Variants in ZDHHC2 observed in about 807,000 individuals in gnomAD.
ZDHHC2 encodes the protein zDHHC palmitoyltransferase 2, also known as palmitoyltransferase ZDHHC2.
In ZDHHC2, 51 loss-of-function variants were observed where a neutral mutation model predicts 55.6. That is an observed-to-expected ratio of 0.92 (90% CI 0.73 to 1.16). ZDHHC2 has a LOEUF of 1.16. Ranked by LOEUF, ZDHHC2 falls within the 50% of genes most tolerant of loss-of-function variation. The probability of loss-of-function intolerance (pLI) is 0.00; values close to 1 mark genes in which losing one functional copy is unlikely to be tolerated. For synonymous variants in ZDHHC2, 199 were observed against 152.9 expected (o/e 1.30, Z -2.22); for missense variants, 491 against 442.4 (o/e 1.11, Z -0.99).
chr8:17,192,176 A>C (rs1806069223), intron 3 of ZDHHC2, among the ~76,000 whole-genome samples: 1 of 151,962 alleles, frequency 6.6e-6, no homozygotes, highest in African/African-American at 2.4e-5. Flanking sequence ...TGTAGAGATG[A>C]GATTTCACTA....
chr8:17,212,544 G>A (rs557522084), intron 10 of ZDHHC2, among the ~76,000 whole-genome samples: 4 of 152,180 alleles, frequency 2.6e-5, no homozygotes, highest in African/African-American at 9.6e-5. Context: ...TCTATAATCT[G>A]AATACTTTCT....
chr8:17,221,842 A>T lies in ZDHHC2; in HGVS notation c.*1621A>T, dbSNP rs1807930354. On this transcript the variant is annotated 3_prime_UTR_variant, in exon 13 of 13. Transcript: ENST00000262096. ...ATCTCAGAAAATATGATAACATTTT[A>T]ACTTTCATTTTAGAGCACGTTTTGG... The T allele has an allele frequency of 6.6e-6, 1 of 152,488 alleles. No individual in the cohort carries two copies. Among genetic ancestry groups the T allele is most frequent in the African/African-American group, 2.4e-5 (1 of 41,460 alleles). The allele number at this position is 152,488 out of a possible 1,614,324, so 9.4% of individuals were successfully genotyped here. A position where few individuals can be genotyped will look rare whatever the true frequency, so the allele number is the denominator to read the frequency against.
At position 17,222,546 on chromosome 8, in the gene ZDHHC2, A is replaced by C. The variant is rs1422985734; in HGVS notation, c.*2325A>C. The stretch of plus-strand genomic sequence containing the variant: ...TTTACTATATAGGAATCAAGATTTA[A>C]GAAATTTTGCATTAAAAATAGTGTA... On this transcript the variant is annotated 3_prime_UTR_variant, in exon 13 of 13. Transcript: ENST00000262096. The C allele has an allele frequency of 6.6e-6, 1 of 151,900 alleles. No individual in the cohort carries two copies. The highest frequency in any genetic ancestry group is 1.5e-5 in the Non-Finnish European group (1 of 67,806). 9.4% of individuals were successfully genotyped at this position (151,900 alleles called of 1,614,324 possible).
chr8:17,156,646 G>T lies in ZDHHC2; in HGVS notation c.-78G>T. The T allele has an allele frequency of 4.5e-6, 5 of 1,112,814 alleles. No individual in the cohort carries two copies. Among genetic ancestry groups the T allele is most frequent in the Non-Finnish European group, 5.5e-6 (5 of 911,208 alleles). 68.9% of individuals were successfully genotyped at this position (1,112,814 alleles called of 1,614,324 possible). ...CGCCCAGGAGCCCGTCCAGCCAGGG[G>T]TGCCGGGCCCGCCCAGCCCGCCCCG... is the stretch of plus-strand genomic sequence containing the variant. On this transcript the variant is annotated 5_prime_UTR_variant, in exon 1 of 13. Coordinates refer to ENST00000262096, the MANE Select transcript of ZDHHC2 (RefSeq NM_016353.5).
intron 3 of ZDHHC2, among the ~76,000 whole-genome samples, chr8:17,187,078 T>G (rs1462636950): frequency 2.0e-5 from 3 of 152,184 alleles, no homozygotes; most frequent in Non-Finnish European, 4.4e-5. Flanking sequence ...ATTTAGAAGT[T>G]GGTTATATGG....
At chr8:17,175,725 C>T (rs1405385153) in intron 1 of ZDHHC2, among the ~76,000 whole-genome samples, 1 of 147,530 alleles carries the variant, frequency 6.8e-6, no homozygotes, top group African/African-American at 2.4e-5. Context: ...GGATTCAAAC[C>T]TCAGTGAGGG....
At chr8:17,182,238 A>G (rs529909983) in intron 1 of ZDHHC2, among the ~76,000 whole-genome samples, 1 of 152,334 alleles carries the variant, frequency 6.6e-6, no homozygotes, top group Admixed American at 6.5e-5. Flanking sequence ...TATATATAAC[A>G]GATATGAGAT....
intron 1 of ZDHHC2, among the ~76,000 whole-genome samples, chr8:17,159,965 G>A (rs1804253724): frequency 6.6e-6 from 1 of 151,838 alleles, no homozygotes; most frequent in Non-Finnish European, 1.5e-5. Context: ...TATTAGGTTG[G>A]TTTCCGTCAA....
chr8:17,197,565 G>C lies in ZDHHC2; in HGVS notation c.374-17G>C, dbSNP rs746482105. 17 of 1,610,930 alleles carry C rather than the reference G, an allele frequency of 1.1e-5. No homozygotes were observed. The highest frequency in any genetic ancestry group is 1.7e-5 in the Admixed American group (1 of 59,708). ...TCAGTGTTAACTCTAAGACTAAGTG[G>C]AGCTTTTTGTCCCTAGCCATCCGAT... On this transcript the variant is annotated splice_polypyrimidine_tract_variant and intron_variant, in intron 4 of 12. Transcript: ENST00000262096.
In ZDHHC2 at chr8:17,210,341, C is replaced by T. The variant is rs748003616; in HGVS notation, c.858-47C>T. ...TCAGCATTTTGGCAGGGTTTCACTC[C>T]GTTGTCTTTTGTATGGTTCAGTTCT... is the stretch of plus-strand genomic sequence containing the variant. On this transcript the variant is annotated intron_variant, in intron 9 of 12. Coordinates refer to ENST00000262096, the MANE Select transcript of ZDHHC2 (RefSeq NM_016353.5). 6 of 1,567,688 alleles carry T rather than the reference C, an allele frequency of 3.8e-6. No individual in the cohort carries two copies. The South Asian group carries it at 4.6e-5, about 12-fold the overall frequency.
chr8:17,214,569 C>T lies in ZDHHC2; in HGVS notation c.951-668C>T, dbSNP rs192557990. 1.3e-5 allele frequency among the ~76,000 whole-genome samples: 2 copies of T among 152,256 alleles called. 1 individual carries two copies. The highest frequency in any genetic ancestry group is 1.3e-4 in the Admixed American group (2 of 15,270). The stretch of plus-strand genomic sequence containing the variant: ...TTTTTTTAAACCAAAGTTTATACCA[C>T]TCTCATAAATGAGAAACTCGCGTAA... On this transcript the variant is annotated intron_variant, in intron 10 of 12. Transcript: ENST00000262096.
rs2150956393 is a variant in ZDHHC2, at chr8:17,222,405, C to CT, written c.*2187dup. Reference sequence around the variant, plus strand: ...TTGTACATATTTATATAAAATTTACCTTTAAGTATTTACTTTAAAAAATTT... The same window carrying CT: ...TTGTACATATTTATATAAAATTTACCTTTTAAGTATTTACTTTAAAAAATTT... On this transcript the variant is annotated 3_prime_UTR_variant, in exon 13 of 13. Transcript: ENST00000262096. The CT allele has an allele frequency of 6.6e-6, 1 of 151,736 alleles. No homozygotes were observed. Among genetic ancestry groups the CT allele is most frequent in the African/African-American group, 2.4e-5 (1 of 41,462 alleles). 9.4% of individuals were successfully genotyped at this position (151,736 alleles called of 1,614,324 possible). A position where few individuals can be genotyped will look rare whatever the true frequency, so the allele number is the denominator to read the frequency against.
intron 3 of ZDHHC2, among the ~76,000 whole-genome samples, chr8:17,189,825 C>T (rs1232320516): frequency 6.6e-6 from 1 of 152,168 alleles, no homozygotes; most frequent in Non-Finnish European, 1.5e-5. Flanking sequence ...CTACAAAAGA[C>T]GTACCTTAGT....
chr8:17,208,457 T>C (rs367958914), intron 8 of ZDHHC2, among the ~76,000 whole-genome samples: 16 of 151,982 alleles, frequency 1.1e-4, no homozygotes, highest in South Asian at 1.0e-3. Flanking sequence ...AAGCTAAAGA[T>C]TGAGAAATAC....
In ZDHHC2 at chr8:17,199,841, C is replaced by T. The variant is rs2959624; in HGVS notation, c.476+1428C>T. On this transcript the variant is annotated intron_variant, in intron 6 of 12. Coordinates refer to ENST00000262096, the MANE Select transcript of ZDHHC2 (RefSeq NM_016353.5). Reference sequence around the variant, plus strand: ...GTAGCGTGATCTCAGCTCACTGCAACCTCTGCCTCCCGGGTTCAAGCGATT... The same window carrying T: ...GTAGCGTGATCTCAGCTCACTGCAATCTCTGCCTCCCGGGTTCAAGCGATT... Among the ~76,000 whole-genome samples, 1,153 of 150,642 alleles carry T rather than the reference C, an allele frequency of 7.7e-3. 10 individuals are homozygous for T. The highest frequency in any genetic ancestry group is 9.7e-3 in the Non-Finnish European group (657 of 67,682).
intron 6 of ZDHHC2, among the ~76,000 whole-genome samples, chr8:17,199,612 C>CTTCTTCCTTTCTACTTCCT (rs1554466228): frequency 1.5e-5 from 1 of 68,828 alleles, no homozygotes; most frequent in Admixed American, 1.2e-4. Flanking sequence ...ATTCTTTCTT[C>CTTCTTCCTTTCTACTTCCT]TTCTTCTTCT....
intron 1 of ZDHHC2, among the ~76,000 whole-genome samples, chr8:17,164,266 TGA>T (rs1041188599): frequency 6.6e-6 from 1 of 152,178 alleles, no homozygotes; most frequent in African/African-American, 2.4e-5. Flanking sequence ...CATTTTTATT[TGA>T]GAGATACTCA....
chr8:17,198,257 T>C, intron 5 of ZDHHC2, 124 bp from the exon 6 acceptor site: 1 of 805,976 alleles, frequency 1.2e-6, no homozygotes, highest in Non-Finnish European at 1.8e-6. Flanking sequence ...TTTAGATAAG[T>C]AAATAATTTT....
At chr8:17,180,352 C>T (rs1805366643) in intron 1 of ZDHHC2, among the ~76,000 whole-genome samples, 1 of 152,114 alleles carries the variant, frequency 6.6e-6, no homozygotes, top group South Asian at 2.1e-4. Context: ...AATGACACAT[C>T]CGTTTAAAAA....
Sources: gnomAD v4.1 joint callset for allele counts (sites outside exome capture counted in the v4.1 genomes callset) on GRCh38, gnomAD v4.1.1 for gene constraint, MANE v1.5 for transcripts, NCBI Gene and HGNC (gene_info 2026-07-23, HGNC 2026-07-21) for gene names.